Variants in MMP25 observed in about 807,000 individuals in gnomAD.
MMP25 encodes matrix metalloproteinase-25.
A neutral mutation model predicts 62.1 loss-of-function variants in MMP25; 68 were observed. That is an observed-to-expected ratio of 1.10 (90% CI 0.90 to 1.34). The LOEUF (loss-of-function observed/expected upper bound fraction) is 1.34, where lower values mean the gene tolerates loss of function less well. MMP25 is among the 40% of genes most tolerant of loss of function. The pLI is 0.00. For missense variants in MMP25, 942 were observed against 792.5 expected (o/e 1.19, Z -2.26); for synonymous variants, 407 against 345.6 (o/e 1.18, Z -1.97).
At position 3,058,349 on chromosome 16, in the gene MMP25, G is replaced by A. The variant is rs1317576965; in HGVS notation, c.1159+16G>A. On this transcript the variant is annotated intron_variant, in intron 8 of 9. Transcript: ENST00000336577. ...CTCTTTAGCGGTGAGTGGGGCCGGC[G>A]GCGGGGCGCGCTGGGGCCGGCGCGG... 1 of 1,524,712 alleles carries A rather than the reference G, an allele frequency of 6.6e-7. No homozygotes were observed. The highest frequency in any genetic ancestry group is 1.2e-5 in the South Asian group (1 of 82,218). 94.4% of individuals were successfully genotyped at this position (1,524,712 alleles called of 1,614,324 possible).
chr16:3,049,806 A>G (rs560896115), intron 2 of MMP25, among the ~76,000 whole-genome samples: 2 of 152,348 alleles, frequency 1.3e-5, no homozygotes, highest in East Asian at 1.9e-4. Flanking sequence ...ACGCCACTCC[A>G]AAGGGCAGTA....
rs531224375 is a variant in MMP25 at position 3,057,768 on chromosome 16, G to T, written c.1006+155G>T. On this transcript the variant is annotated intron_variant, in intron 7 of 9. Transcript: ENST00000336577. ...GGCCGCAGTGCAGTGGTGTGATCATGGCTCACTGCAGCCTCAAAATACTGG... is the reference window on the plus strand; with the variant it reads ...GGCCGCAGTGCAGTGGTGTGATCATTGCTCACTGCAGCCTCAAAATACTGG... 5 of 704,332 alleles carry T rather than the reference G, an allele frequency of 7.1e-6. No individual in the cohort carries two copies. The South Asian group carries it at 8.5e-5, about 12-fold the overall frequency. 43.6% of individuals were successfully genotyped at this position (704,332 alleles called of 1,614,324 possible).
chr16:3,059,159 T>C lies in MMP25; in HGVS notation c.*61T>C. The C allele has an allele frequency of 1.4e-6, 2 of 1,459,620 alleles. No homozygotes were observed. The highest frequency in any genetic ancestry group is 1.8e-6 in the Non-Finnish European group (2 of 1,099,398). 90.4% of individuals were successfully genotyped at this position (1,459,620 alleles called of 1,614,324 possible). A position where few individuals can be genotyped will look rare whatever the true frequency, so the allele number is the denominator to read the frequency against. ...CGGCCGAGTCCCCCGCCGCTGGACC[T>C]GGTCGGGGGTTGTGAGGCGCTGCGG... On this transcript the variant is annotated 3_prime_UTR_variant, in exon 10 of 10. Coordinates refer to ENST00000336577, the MANE Select transcript of MMP25 (RefSeq NM_022468.5).
rs766494887 is a variant in MMP25 at position 3,058,399 on chromosome 16, C to T, written c.1160-13C>T. The T allele has an allele frequency of 6.6e-7, 1 of 1,525,044 alleles. No individual in the cohort carries two copies. Among genetic ancestry groups the T allele is most frequent in the South Asian group, 1.2e-5 (1 of 80,822 alleles). The allele number at this position is 1,525,044 out of a possible 1,614,324, so 94.5% of individuals were successfully genotyped here. ...GGGAGCCCACCCCTGACCTCCCGGC[C>T]TCCACCCTGCAGGGCCCCAGTTCTG... On this transcript the variant is annotated splice_polypyrimidine_tract_variant and intron_variant, in intron 8 of 9. Transcript: ENST00000336577.
At position 3,059,214 on chromosome 16, in the gene MMP25, G is replaced by A. The variant is rs999264022; in HGVS notation, c.*116G>A. Reference sequence around the variant, plus strand: ...CCCTTGTCTGTTCCCACGGACGGGGGCTCGGGCGCGGACTAAGCAGGGGGG... The same window carrying A: ...CCCTTGTCTGTTCCCACGGACGGGGACTCGGGCGCGGACTAAGCAGGGGGG... On this transcript the variant is annotated 3_prime_UTR_variant, in exon 10 of 10. Coordinates refer to ENST00000336577, the MANE Select transcript of MMP25 (RefSeq NM_022468.5). 5 of 1,281,844 alleles carry A rather than the reference G, an allele frequency of 3.9e-6. No individual in the cohort carries two copies. Among genetic ancestry groups the A allele is most frequent in the South Asian group, 1.7e-5 (1 of 60,326 alleles). 79.4% of individuals were successfully genotyped at this position (1,281,844 alleles called of 1,614,324 possible). A position where few individuals can be genotyped will look rare whatever the true frequency, so the allele number is the denominator to read the frequency against.
chr16:3,057,361 C>T lies in MMP25; in HGVS notation c.890C>T (p.Pro297Leu), dbSNP rs770589525. 4.3e-6 allele frequency: 7 copies of T among 1,613,554 alleles called. No individual in the cohort carries two copies. The highest frequency in any genetic ancestry group is 1.3e-5 in the African/African-American group (1 of 74,896). ...YDKPTRKPLA[P>L]PPQPPASPTH... Reference sequence around the variant, plus strand: ...AAGCCCACAAGGAAACCCCTGGCTCCTCCGCCCCAGCCCCCGGCCTCGCCC... The same window carrying T: ...AAGCCCACAAGGAAACCCCTGGCTCTTCCGCCCCAGCCCCCGGCCTCGCCC... Residue 297 changes from proline to leucine, a missense_variant, in exon 6 of 10, where the codon CCT (proline) becomes CTT (leucine). Transcript: ENST00000336577.
rs1356581391 is a variant in MMP25 at position 3,057,557 on chromosome 16, G to A, written c.950G>A (p.Cys317Tyr). The A allele has an allele frequency of 1.2e-6, 2 of 1,614,142 alleles. No individual in the cohort carries two copies. Among genetic ancestry groups the A allele is most frequent in the Non-Finnish European group, 1.7e-6 (2 of 1,180,028 alleles). The change falls in exon 7 of 10, where the codon TGT (cysteine) becomes TAT (tyrosine). Residue 317 changes from cysteine (C) to tyrosine (Y), a missense_variant. Cys to Tyr is a radical substitution (Grantham distance 194, BLOSUM62 -2). Coordinates refer to ENST00000336577, the MANE Select transcript of MMP25 (RefSeq NM_022468.5). ...CCATCCTTCCCCATCCCTGATCGAT[G>A]TGAGGGCAATTTTGACGCCATCGCC... The part of the protein sequence containing the change: ...HSPSFPIPDR[C>Y]EGNFDAIANI...
intron 2 of MMP25, among the ~76,000 whole-genome samples, chr16:3,048,417 G>A (rs1414229220): frequency 6.6e-6 from 1 of 152,196 alleles, no homozygotes; most frequent in Non-Finnish European, 1.5e-5. Context: ...TAACTTTCTC[G>A]AGGGAGAGAG....
chr16:3,054,189 G>C (rs892761037), intron 4 of MMP25: 3 of 151,646 alleles, frequency 2.0e-5, no homozygotes, highest in African/African-American at 7.3e-5. Context: ...TGGATGGACA[G>C]ATGCATGCAC....
chr16:3,047,601 G>C (rs941570159), intron 2 of MMP25, 54 bp downstream of exon 2: 6 of 1,561,248 alleles, frequency 3.8e-6, no homozygotes. Flanking sequence ...CCTGTCCACC[G>C]CCCAACAGCC....
chr16:3,050,613 T>C, intron 4 of MMP25, 67 bp downstream of exon 4: 1 of 1,444,320 alleles, frequency 6.9e-7, no homozygotes, highest in Non-Finnish European at 9.2e-7. Flanking sequence ...TTTTCTGTTG[T>C]GTGTTTTGTT....
chr16:3,055,756 A>T, intron 4 of MMP25: 2 of 447,250 alleles, frequency 4.5e-6, no homozygotes, highest in Non-Finnish European at 9.0e-6. Context: ...GATGGCCATG[A>T]AACTCATCCG....
intron 4 of MMP25, among the ~76,000 whole-genome samples, chr16:3,055,396 A>T (rs1955988875): frequency 6.6e-6 from 1 of 152,186 alleles, no homozygotes; most frequent in Non-Finnish European, 1.5e-5. Context: ...AGTTTCTCAG[A>T]AAAAGGACTC....
At chr16:3,047,074 G>A (rs779522106) in intron 1 of MMP25, 58 bp downstream of exon 1, 4 of 1,376,254 alleles carry the variant, frequency 2.9e-6, no homozygotes, top group Non-Finnish European at 3.7e-6. Context: ...GAGGGAAGCC[G>A]GGCCCGGACT....
At chr16:3,056,806 C>G (rs2151162639) in intron 4 of MMP25, 1 of 499,722 alleles carries the variant, frequency 2.0e-6, no homozygotes, top group South Asian at 3.2e-5. Context: ...TGTGTGTTCT[C>G]TGGATCTTTT....
chr16:3,049,278 G>A (rs1012886602), intron 2 of MMP25, among the ~76,000 whole-genome samples: 2 of 152,064 alleles, frequency 1.3e-5, no homozygotes, highest in South Asian at 4.1e-4. Context: ...TGGAGGCAGG[G>A]CCGAGGAACT....
intron 4 of MMP25, chr16:3,053,525 G>C (rs536884025): frequency 2.5e-4 from 38 of 152,348 alleles, no homozygotes; most frequent in African/African-American, 8.9e-4. Flanking sequence ...CTCAGCACAG[G>C]GCCTGCCCTG....
chr16:3,052,152 T>A (rs934724802), intron 4 of MMP25: 35 of 150,878 alleles, frequency 2.3e-4, no homozygotes, highest in African/African-American at 7.8e-4. Context: ...TATATATGAA[T>A]ATCCACACAT....
rs1307152044 is a variant in MMP25 at position 3,046,864 on chromosome 16, G to A, written c.-54G>A. 5 of 1,062,964 alleles carry A rather than the reference G, an allele frequency of 4.7e-6. No homozygotes were observed. The South Asian group carries it at 6.2e-5, about 13-fold the overall frequency. 65.8% of individuals were successfully genotyped at this position (1,062,964 alleles called of 1,614,324 possible). ...ATCTCCTCCCCCAGGTCCCCGGGGC[G>A]GCCCCAGCCAGGCCCCCTTCGAACC... is the stretch of plus-strand genomic sequence containing the variant. On this transcript the variant is annotated 5_prime_UTR_variant, in exon 1 of 10. Coordinates refer to ENST00000336577, the MANE Select transcript of MMP25 (RefSeq NM_022468.5).
Sources: gnomAD v4.1 joint callset for allele counts (sites outside exome capture counted in the v4.1 genomes callset) on GRCh38, gnomAD v4.1.1 for gene constraint, MANE v1.5 for transcripts, NCBI Gene and HGNC (gene_info 2026-07-23, HGNC 2026-07-21) for gene names.